MACROD2: variants seen among roughly 807,000 people sequenced by gnomAD.
MACROD2 encodes the protein ADP-ribose glycohydrolase MACROD2.
MACROD2 carries 36 observed loss-of-function variants against 70.4 expected under a neutral mutation model. That is an observed-to-expected ratio of 0.51 (90% confidence interval 0.39 to 0.68). MACROD2 has a LOEUF of 0.68. Ranked by LOEUF, MACROD2 falls within the 30% of genes least tolerant of loss-of-function variation. The pLI is 0.00. For missense variants in MACROD2, 496 were observed against 538.4 expected (o/e 0.92, Z 0.78); for synonymous variants, 172 against 178.8 (o/e 0.96, Z 0.30).
At chr20:14,486,571 G>A (rs2145008) in intron 3 of MACROD2, among the ~76,000 whole-genome samples, 22,110 of 143,580 alleles carry the variant, frequency 0.15, 1,873 homozygotes, top group East Asian at 0.38. Context: ...CCAGGCTGGA[G>A]TGCAGTGGCG....
At position 15,796,702 on chromosome 20, in the gene MACROD2, T is replaced by C. The variant is rs1336793000; in HGVS notation, c.646-66043T>C. Among the ~76,000 whole-genome samples the C allele has an allele frequency of 2.0e-5, 3 of 152,176 alleles. No individual in the cohort carries two copies. In the East Asian group the frequency reaches 5.8e-4, roughly 29 times the overall value. ...AATGCTCAATAATACTTAGAATTAT[T>C]ATCTCCTGAAAATTTCTTTGGTGTC... On this transcript the variant is annotated intron_variant, in intron 8 of 17. Transcript: ENST00000684519.
intron 5 of MACROD2, among the ~76,000 whole-genome samples, chr20:14,776,918 A>G (rs1347003092): frequency 2.0e-5 from 3 of 152,048 alleles, no homozygotes; most frequent in Admixed American, 6.6e-5. Context: ...TACTCTGTAT[A>G]TGTTTACACC....
intron 6 of MACROD2, among the ~76,000 whole-genome samples, chr20:15,240,612 T>C (rs2077052646): frequency 6.6e-6 from 1 of 152,186 alleles, no homozygotes; most frequent in South Asian, 2.1e-4. Flanking sequence ...CATATATCAG[T>C]AACTAATCAT....
chr20:15,825,863 G>A (rs2063992248), intron 8 of MACROD2, among the ~76,000 whole-genome samples: 1 of 151,520 alleles, frequency 6.6e-6, no homozygotes, highest in Admixed American at 6.6e-5. Flanking sequence ...GTTTTTAACT[G>A]GAATAAGAAA....
At chr20:15,188,503 C>A (rs112460816) in intron 5 of MACROD2, among the ~76,000 whole-genome samples, 56 of 152,314 alleles carry the variant, frequency 3.7e-4, no homozygotes, top group African/African-American at 1.3e-3. Context: ...CCCTTGAAGC[C>A]AGACTATTTA....
At chr20:14,509,860 A>G (rs181066100) in intron 4 of MACROD2, among the ~76,000 whole-genome samples, 8 of 152,140 alleles carry the variant, frequency 5.3e-5, no homozygotes, top group African/African-American at 1.7e-4. Flanking sequence ...CAGAACTTCT[A>G]CTGATTATGT....
At chr20:15,694,214 C>A (rs141196432) in intron 8 of MACROD2, among the ~76,000 whole-genome samples, 2,703 of 152,252 alleles carry the variant, frequency 0.018, 84 homozygotes, top group African/African-American at 0.063. Flanking sequence ...GACTTATTTT[C>A]CTCTGGGTAG....
intron 7 of MACROD2, among the ~76,000 whole-genome samples, chr20:15,458,632 T>TTTTA (rs2046764207): frequency 6.7e-6 from 1 of 148,740 alleles, no homozygotes; most frequent in East Asian, 2.0e-4. Flanking sequence ...TTTTTGTTTT[T>TTTTA]TTTTTTTAAA....
At chr20:15,366,694 C>T (rs527629171) in intron 6 of MACROD2, among the ~76,000 whole-genome samples, 2 of 151,904 alleles carry the variant, frequency 1.3e-5, no homozygotes, top group Non-Finnish European at 2.9e-5. Flanking sequence ...GGGACTCAGG[C>T]ACCTGCCACC....
intron 3 of MACROD2, among the ~76,000 whole-genome samples, chr20:14,246,148 C>T (rs1047967735): frequency 2.6e-5 from 4 of 152,176 alleles, no homozygotes; most frequent in Non-Finnish European, 5.9e-5. Context: ...GTTTTTGCTT[C>T]TACCTGAAGG....
At chr20:15,212,429 C>T (rs2076772136) in intron 5 of MACROD2, among the ~76,000 whole-genome samples, 1 of 152,162 alleles carries the variant, frequency 6.6e-6, no homozygotes, top group Non-Finnish European at 1.5e-5. Flanking sequence ...GCAAAATGAG[C>T]TCTTTTTTTG....
At chr20:14,661,161 C>A (rs1036302248) in intron 4 of MACROD2, among the ~76,000 whole-genome samples, 3 of 151,582 alleles carry the variant, frequency 2.0e-5, no homozygotes, top group Non-Finnish European at 3.0e-5. Flanking sequence ...AATTTGCACT[C>A]CAGCCACCAG....
intron 3 of MACROD2, among the ~76,000 whole-genome samples, chr20:14,245,292 G>A (rs2081960303): frequency 6.6e-6 from 1 of 151,530 alleles, no homozygotes; most frequent in Admixed American, 6.6e-5. Context: ...GAACCTGGGA[G>A]GTGGAGCTTG....
In MACROD2 at chr20:15,737,649, C is replaced by A. The variant is rs1012072555; in HGVS notation, c.646-125096C>A. Among the ~76,000 whole-genome samples the A allele has an allele frequency of 3.9e-5, 6 of 152,168 alleles. No homozygotes were observed. The East Asian group carries it at 1.2e-3, about 29-fold the overall frequency. ...CAGTGGCATTGCTATGAATATAGTTCTAAATGTATTCTAATTCATTAAGAA... is the reference window on the plus strand; with the variant it reads ...CAGTGGCATTGCTATGAATATAGTTATAAATGTATTCTAATTCATTAAGAA... On this transcript the variant is annotated intron_variant, in intron 8 of 17. Transcript: ENST00000684519.
intron 12 of MACROD2, among the ~76,000 whole-genome samples, chr20:15,955,253 C>G (rs1036241809): frequency 6.6e-6 from 1 of 152,126 alleles, no homozygotes; most frequent in Non-Finnish European, 1.5e-5. Context: ...GGATCCATGA[C>G]CCACTCATTA....
At chr20:15,579,454 A>G (rs953063091) in intron 8 of MACROD2, among the ~76,000 whole-genome samples, 1 of 152,174 alleles carries the variant, frequency 6.6e-6, no homozygotes, top group African/African-American at 2.4e-5. Context: ...TTCTCCAGCA[A>G]TCACACTCAT....
chr20:14,815,867 C>G (rs2072768342), intron 5 of MACROD2, among the ~76,000 whole-genome samples: 1 of 151,970 alleles, frequency 6.6e-6, no homozygotes, highest in Non-Finnish European at 1.5e-5. Flanking sequence ...CCATCTACAA[C>G]CATATTTTAA....
At chr20:15,124,633 C>T (rs2076053992) in intron 5 of MACROD2, among the ~76,000 whole-genome samples, 2 of 151,882 alleles carry the variant, frequency 1.3e-5, no homozygotes, top group African/African-American at 2.4e-5. Context: ...TTTGAGATAT[C>T]TCCTTACCAT....
intron 5 of MACROD2, among the ~76,000 whole-genome samples, chr20:15,013,610 A>G (rs527784888): frequency 1.1e-4 from 16 of 152,246 alleles, no homozygotes; most frequent in Admixed American, 3.3e-4. Context: ...GCTGCAGTTC[A>G]GGACAACTCT....
Sources: allele counts gnomAD v4.1 joint callset (sites outside exome capture counted in the v4.1 genomes callset), GRCh38; gene constraint gnomAD v4.1.1; transcripts MANE v1.5; gene names NCBI Gene and HGNC (gene_info 2026-07-23, HGNC 2026-07-21).